Variants in ZNF620 observed in about 807,000 individuals in gnomAD.
ZNF620 encodes the protein zinc finger protein 620.
ZNF620 carries 10 observed loss-of-function variants against 13.3 expected under a neutral mutation model. The ratio of observed to expected loss-of-function variants is 0.75; its 90% CI spans 0.46 to 1.28. The LOEUF is 1.28. ZNF620 is among the 50% of genes most tolerant of loss of function. The pLI, the probability that ZNF620 is intolerant of heterozygous loss-of-function variation, is 0.00. For missense variants in ZNF620, 461 were observed against 500.2 expected, an observed-to-expected ratio of 0.92 and a Z score of 0.75; for synonymous variants, 166 against 177.6, an observed-to-expected ratio of 0.93 and a Z score of 0.52.
At chr3:40,506,729 A>G (rs1452082408) in intron 2 of ZNF620, among the ~76,000 whole-genome samples, 1 of 151,976 alleles carries the variant, frequency 6.6e-6, no homozygotes, top group Non-Finnish European at 1.5e-5. Context: ...ATTCCATTGT[A>G]TTTTCTACAT....
intron 4 of ZNF620, among the ~76,000 whole-genome samples, chr3:40,514,455 G>A (rs1698310151): frequency 6.6e-6 from 1 of 152,014 alleles, no homozygotes; most frequent in Non-Finnish European, 1.5e-5. Flanking sequence ...TGGTTCCCTG[G>A]GCCCAGCTGT....
At position 40,516,991 on chromosome 3, in the gene ZNF620, T is replaced by C; in HGVS notation, c.*128T>C. 13 of 1,033,548 alleles carry C rather than the reference T, an allele frequency of 1.3e-5. No homozygotes were observed. Among genetic ancestry groups the C allele is most frequent in the Non-Finnish European group, 1.8e-5 (13 of 732,368 alleles). 64.0% of individuals were successfully genotyped at this position (1,033,548 alleles called of 1,614,324 possible). A position where few individuals can be genotyped will look rare whatever the true frequency, so the allele number is the denominator to read the frequency against. On this transcript the variant is annotated 3_prime_UTR_variant, in exon 5 of 5. Transcript: ENST00000314529. ...CATCATGAACTCTTCTTTAAGTTTT[T>C]TGAACCTGTTTCCCCAACATGAAGT...
rs1176086689 is a variant in ZNF620, at chr3:40,517,359, G to A, written c.*496G>A. 1 of 151,306 alleles carries A rather than the reference G, an allele frequency of 6.6e-6. No individual in the cohort carries two copies. The highest frequency in any genetic ancestry group is 2.4e-5 in the African/African-American group (1 of 40,866). 9.4% of individuals were successfully genotyped at this position (151,306 alleles called of 1,614,324 possible). A position where few individuals can be genotyped will look rare whatever the true frequency, so the allele number is the denominator to read the frequency against. Reference sequence around the variant, plus strand: ...AGTTCGAGACCAGCCCGCCCAATATGGTGAAACCCCGTCTCTCCTGAAAAA... The same window carrying A: ...AGTTCGAGACCAGCCCGCCCAATATAGTGAAACCCCGTCTCTCCTGAAAAA... On this transcript the variant is annotated 3_prime_UTR_variant, in exon 5 of 5. Coordinates refer to ENST00000314529, the MANE Select transcript of ZNF620 (RefSeq NM_175888.4).
In ZNF620 at chr3:40,506,133, G is replaced by C; in HGVS notation, c.-55G>C. ...GCGGTCCGAGCTGAAGAGGTTCGCG[G>C]TCCGGGTAACTGATTGGTTTTCCTG... On this transcript the variant is annotated 5_prime_UTR_variant, in exon 1 of 5. Transcript: ENST00000314529. 1.6e-6 allele frequency: 1 copy of C among 631,196 alleles called. No individual in the cohort carries two copies. Among genetic ancestry groups the C allele is most frequent in the Non-Finnish European group, 2.8e-6 (1 of 352,680 alleles). The allele number at this position is 631,196 out of a possible 1,614,324, so 39.1% of individuals were successfully genotyped here.
intron 4 of ZNF620, 39 bp from the exon 5 acceptor site, chr3:40,515,819 TGA>T (rs1553657606): frequency 6.3e-5 from 41 of 651,858 alleles, no homozygotes; most frequent in Non-Finnish European, 7.5e-5. Flanking sequence ...TGTGTGTGTG[TGA>T]TATCAGGGAC....
intron 2 of ZNF620, among the ~76,000 whole-genome samples, chr3:40,510,262 C>G (rs1205351659): frequency 6.6e-6 from 1 of 152,172 alleles, no homozygotes; most frequent in African/African-American, 2.4e-5. Context: ...ATCTTCTCAC[C>G]TTGGCCTCCC....
Position 40,516,232 on chromosome 3 carries a change from G to C in ZNF620, c.638G>C (p.Arg213Pro), listed in dbSNP as rs147208046. Reference sequence around the variant, plus strand: ...TTCATTCAAATGGCAGACTTCCACCGACATGAGAAATGTCACACTGGTGAA... The same window carrying C: ...TTCATTCAAATGGCAGACTTCCACCCACATGAGAAATGTCACACTGGTGAA... ...RYFIQMADFH[R>P]HEKCHTGEKS... The change falls in exon 5 of 5, where the codon CGA (arginine) becomes CCA (proline). Residue 213 changes from arginine to proline, a missense_variant. Transcript: ENST00000314529. The C allele has an allele frequency of 5.6e-6, 9 of 1,613,966 alleles. No individual in the cohort carries two copies. In the African/African-American group the frequency reaches 1.2e-4, roughly 22 times the overall value.
chr3:40,510,760 T>C (rs544546847), intron 2 of ZNF620, among the ~76,000 whole-genome samples: 13 of 152,192 alleles, frequency 8.5e-5, no homozygotes, highest in East Asian at 1.9e-4. Flanking sequence ...CTCTCTCTCT[T>C]TTTTTTGAGA....
intron 4 of ZNF620, among the ~76,000 whole-genome samples, chr3:40,514,359 T>A (rs1698307642): frequency 6.6e-6 from 1 of 152,182 alleles, no homozygotes; most frequent in African/African-American, 2.4e-5. Context: ...TCTCACTCCA[T>A]ACCCTGCCCC....
intron 2 of ZNF620, among the ~76,000 whole-genome samples, chr3:40,510,714 A>G (rs1394400726): frequency 6.6e-6 from 1 of 152,022 alleles, no homozygotes; most frequent in Non-Finnish European, 1.5e-5. Context: ...GCCTTCTAAA[A>G]TTCTGTTTAT....
In ZNF620 at chr3:40,516,240, A is replaced by G; in HGVS notation, c.646A>G (p.Lys216Glu). 1 of 1,614,108 alleles carries G rather than the reference A, an allele frequency of 6.2e-7. No individual in the cohort carries two copies. The highest frequency in any genetic ancestry group is 8.5e-7 in the Non-Finnish European group (1 of 1,180,046). The change falls in exon 5 of 5, where the codon AAA (lysine) becomes GAA (glutamate). Residue 216 changes from lysine to glutamate, a missense_variant. Transcript: ENST00000314529. The part of the protein sequence containing the change: ...IQMADFHRHE[K>E]CHTGEKSFEC... ...AATGGCAGACTTCCACCGACATGAG[A>G]AATGTCACACTGGTGAAAAGTCTTT...
Position 40,516,285 on chromosome 3 carries a change from A to G in ZNF620, c.691A>G (p.Lys231Glu). The change falls in exon 5 of 5, where the codon AAA becomes GAA. Residue 231 changes from lysine to glutamate, a missense_variant. Physicochemically the swap from Lys to Glu is moderately conservative, Grantham distance 56. Transcript: ENST00000314529. Reference protein sequence around the residue: ...EKSFECKECGKYFRYNSLLIR... With the variant: ...EKSFECKECGEYFRYNSLLIR... ...GTCTTTTGAATGCAAAGAATGTGGAAAATACTTCAGATATAACTCATTACT... is the reference window on the plus strand; with the variant it reads ...GTCTTTTGAATGCAAAGAATGTGGAGAATACTTCAGATATAACTCATTACT... The G allele has an allele frequency of 3.1e-6, 5 of 1,614,222 alleles. No individual in the cohort carries two copies. The highest frequency in any genetic ancestry group is 4.2e-6 in the Non-Finnish European group (5 of 1,180,048).
chr3:40,509,108 G>C lies in ZNF620; in HGVS notation c.25-2362G>C, dbSNP rs939192501. On this transcript the variant is annotated intron_variant, in intron 2 of 4. Transcript: ENST00000314529. The stretch of plus-strand genomic sequence containing the variant: ...CAATGTTTGCCTTTTGGGATGTTTA[G>C]ATTATTTACATTTGATACCATTATT... Among the ~76,000 whole-genome samples the C allele has an allele frequency of 1.1e-4, 16 of 152,290 alleles. No homozygotes were observed. The East Asian group carries it at 2.9e-3, about 28-fold the overall frequency.
rs189338436 is a variant in ZNF620 at position 40,507,066 on chromosome 3, G to A, written c.24+690G>A. 1.8e-4 allele frequency among the ~76,000 whole-genome samples: 25 copies of A among 139,870 alleles called. 1 individual carries two copies. The East Asian group carries it at 3.9e-3, about 22-fold the overall frequency. 91.8% of individuals were successfully genotyped at this position (139,870 alleles called of 152,430 possible). A position where few individuals can be genotyped will look rare whatever the true frequency, so the allele number is the denominator to read the frequency against. On this transcript the variant is annotated intron_variant, in intron 2 of 4. Transcript: ENST00000314529. ...TTGGATTTTGACAATTGCTTTTTCT[G>A]TGTCTATTTAGATGACCATATGGTT...
In ZNF620 at chr3:40,516,966, C is replaced by A; in HGVS notation, c.*103C>A. 1 of 1,306,706 alleles carries A rather than the reference C, an allele frequency of 7.7e-7. No homozygotes were observed. Among genetic ancestry groups the A allele is most frequent in the Non-Finnish European group, 1.0e-6 (1 of 963,856 alleles). 80.9% of individuals were successfully genotyped at this position (1,306,706 alleles called of 1,614,324 possible). On this transcript the variant is annotated 3_prime_UTR_variant, in exon 5 of 5. Coordinates refer to ENST00000314529, the MANE Select transcript of ZNF620 (RefSeq NM_175888.4). ...CCTTCCTGGTTAGACACTTGGCTTT[C>A]ATCATGAACTCTTCTTTAAGTTTTT...
intron 2 of ZNF620, chr3:40,508,903 C>T (rs956965669): frequency 9.7e-6 from 4 of 412,742 alleles, no homozygotes; most frequent in African/African-American, 2.1e-5. Flanking sequence ...CAGGCATGAG[C>T]CACCATGCCT....
rs1698379803 is a variant in ZNF620, at chr3:40,516,243, T to C, written c.649T>C (p.Cys217Arg). The change falls in exon 5 of 5, where the codon TGT becomes CGT. Residue 217 changes from cysteine (C) to arginine (R), a missense_variant. By Grantham distance (180) the Cys-to-Arg change is radical. Coordinates refer to ENST00000314529, the MANE Select transcript of ZNF620 (RefSeq NM_175888.4). ...GGCAGACTTCCACCGACATGAGAAA[T>C]GTCACACTGGTGAAAAGTCTTTTGA... is the stretch of plus-strand genomic sequence containing the variant. ...QMADFHRHEK[C>R]HTGEKSFECK... 1.2e-6 allele frequency: 2 copies of C among 1,613,932 alleles called. No individual in the cohort carries two copies. Among genetic ancestry groups the C allele is most frequent in the African/African-American group, 2.7e-5 (2 of 74,910 alleles).
rs1253618717 is a variant in ZNF620 at position 40,516,303 on chromosome 3, T to C, written c.709T>C (p.Ser237Pro). ...KECGKYFRYN[S>P]LLIRHQIIHT... Reference sequence around the variant, plus strand: ...ATGTGGAAAATACTTCAGATATAACTCATTACTTATTCGGCATCAGATAAT... The same window carrying C: ...ATGTGGAAAATACTTCAGATATAACCCATTACTTATTCGGCATCAGATAAT... Residue 237 changes from serine (S) to proline (P), a missense_variant, in exon 5 of 5, where the codon TCA (serine) becomes CCA (proline). By Grantham distance (74) the Ser-to-Pro change is moderately conservative. Transcript: ENST00000314529. 3 of 1,614,038 alleles carry C rather than the reference T, an allele frequency of 1.9e-6. No individual in the cohort carries two copies. The highest frequency in any genetic ancestry group is 3.3e-5 in the Admixed American group (2 of 60,000).
chr3:40,507,912 C>T (rs1035713059), intron 2 of ZNF620, among the ~76,000 whole-genome samples: 7 of 152,192 alleles, frequency 4.6e-5, no homozygotes, highest in Non-Finnish European at 7.3e-5. Context: ...TACAGGCATG[C>T]ATCACTACGC....
Sources: allele counts gnomAD v4.1 joint callset (sites outside exome capture counted in the v4.1 genomes callset), GRCh38; gene constraint gnomAD v4.1.1; transcripts MANE v1.5; gene names NCBI Gene and HGNC (gene_info 2026-07-23, HGNC 2026-07-21).